Variants in ENTREP2 observed in about 807,000 individuals in gnomAD.
ENTREP2 encodes protein ENTREP2.
chr15:29,245,124 A>T, the ENTREP2 span, among the ~76,000 whole-genome samples: 17 of 152,142 alleles, frequency 1.1e-4, no homozygotes, highest in South Asian at 2.1e-4. Context: ...GTACAGTTCA[A>T]TGCAAGTAAT....
the ENTREP2 span, among the ~76,000 whole-genome samples, chr15:29,387,247 T>C: frequency 1.3e-5 from 2 of 152,232 alleles, no homozygotes; most frequent in East Asian, 1.9e-4. Context: ...TCTGCATCTA[T>C]TGAGATAATC....
the ENTREP2 span, chr15:29,570,416 C>T: frequency 1.1e-6 from 1 of 913,358 alleles, no homozygotes; most frequent in Non-Finnish European, 1.4e-6. Context: ...AACTTGCCGC[C>T]CGCGGTGGCG....
the ENTREP2 span, among the ~76,000 whole-genome samples, chr15:29,639,418 G>A: frequency 9.2e-5 from 14 of 152,204 alleles, no homozygotes; most frequent in East Asian, 2.1e-3. Flanking sequence ...AAAGTCAGAC[G>A]TAACAATTAA....
chr15:29,166,028 A>G, the ENTREP2 span, among the ~76,000 whole-genome samples: 1 of 152,252 alleles, frequency 6.6e-6, no homozygotes, highest in East Asian at 1.9e-4. Flanking sequence ...TATGCAAGTC[A>G]ATAAATGTGA....
chr15:29,485,998 C>T, the ENTREP2 span, among the ~76,000 whole-genome samples: 14 of 152,316 alleles, frequency 9.2e-5, no homozygotes, highest in Admixed American at 3.3e-4. Context: ...ATCCAGCAAT[C>T]CCACTGCTGG....
chr15:29,463,368 G>A, the ENTREP2 span, among the ~76,000 whole-genome samples: 1 of 151,992 alleles, frequency 6.6e-6, no homozygotes. Context: ...TTCAGCAACC[G>A]ATCTTCACCA....
the ENTREP2 span, among the ~76,000 whole-genome samples, chr15:29,341,333 A>T: frequency 6.6e-6 from 1 of 152,178 alleles, no homozygotes; most frequent in East Asian, 1.9e-4. Context: ...TCAGTTATTC[A>T]TCCATTAATT....
the ENTREP2 span, among the ~76,000 whole-genome samples, chr15:29,553,819 C>G: frequency 9.9e-5 from 15 of 152,268 alleles, no homozygotes; most frequent in African/African-American, 3.6e-4. Context: ...CTGGGATGTC[C>G]CACCCTGTCG....
At chr15:29,572,349 A>G in the ENTREP2 span, among the ~76,000 whole-genome samples, 2 of 152,088 alleles carry the variant, frequency 1.3e-5, no homozygotes, top group South Asian at 2.1e-4. Flanking sequence ...ACAAATTCCA[A>G]TTTCCTGGAG....
the ENTREP2 span, among the ~76,000 whole-genome samples, chr15:29,441,200 A>C: frequency 5.3e-5 from 8 of 152,234 alleles, no homozygotes; most frequent in Non-Finnish European, 1.0e-4. Flanking sequence ...GAGCAAAATA[A>C]GCCGATCACA....
the ENTREP2 span, chr15:29,269,870 G>C: frequency 1.5e-6 from 1 of 649,066 alleles, no homozygotes; most frequent in South Asian, 2.9e-5. Flanking sequence ...CGGCTGGGCG[G>C]TGCGCCTGCG....
the ENTREP2 span, chr15:29,569,728 G>C: frequency 6.6e-6 from 1 of 152,170 alleles, no homozygotes; most frequent in Non-Finnish European, 1.5e-5. Flanking sequence ...CACTTTAATC[G>C]AGACGTCTTT....
chr15:29,448,237 A>C, the ENTREP2 span, among the ~76,000 whole-genome samples: 1 of 152,184 alleles, frequency 6.6e-6, no homozygotes, highest in African/African-American at 2.4e-5. Context: ...AAGCCCTCCT[A>C]CAACAGCACC....
the ENTREP2 span, among the ~76,000 whole-genome samples, chr15:29,666,532 T>C: frequency 2.6e-5 from 4 of 152,166 alleles, no homozygotes; most frequent in Non-Finnish European, 5.9e-5. Context: ...GCTAGACTAT[T>C]TTGATCATGA....
chr15:29,171,845 A>G, the ENTREP2 span, among the ~76,000 whole-genome samples: 1 of 152,220 alleles, frequency 6.6e-6, no homozygotes, highest in African/African-American at 2.4e-5. Context: ...TGCTATCAAA[A>G]AGCCACCTAG....
the ENTREP2 span, among the ~76,000 whole-genome samples, chr15:29,402,450 G>A: frequency 6.6e-6 from 1 of 151,990 alleles, no homozygotes; most frequent in Admixed American, 6.6e-5. Flanking sequence ...CGAATAGCAG[G>A]GAATACAGGC....
At chr15:29,355,701 T>C in the ENTREP2 span, among the ~76,000 whole-genome samples, 8 of 152,156 alleles carry the variant, frequency 5.3e-5, no homozygotes, top group African/African-American at 1.9e-4. Flanking sequence ...CTAACCAAAT[T>C]ACTCTTACAT....
the ENTREP2 span, chr15:29,374,385 G>A: frequency 2.7e-4 from 41 of 152,038 alleles, no homozygotes; most frequent in African/African-American, 9.6e-4. Flanking sequence ...TTTTGTGGTT[G>A]CTTTAAGCTT....
the ENTREP2 span, chr15:29,195,354 T>C: frequency 1.0e-6 from 1 of 983,670 alleles, no homozygotes; most frequent in Non-Finnish European, 1.2e-6. Context: ...TCACAAGCAC[T>C]CAAGGTCAAC....
Sources: allele counts gnomAD v4.1 joint callset (sites outside exome capture counted in the v4.1 genomes callset), GRCh38; gene constraint gnomAD v4.1.1; transcripts MANE v1.5; gene names NCBI Gene and HGNC (gene_info 2026-07-23, HGNC 2026-07-21).